SLC25A30: variants seen among roughly 807,000 people sequenced by gnomAD.
SLC25A30 encodes kidney mitochondrial carrier protein 1.
SLC25A30 carries 29 observed loss-of-function variants against 42.7 expected under a neutral mutation model. That is an observed-to-expected ratio of 0.68 (90% CI 0.51 to 0.93). The LOEUF is 0.93. Among genes scored for constraint, SLC25A30 ranks in the 40% least tolerant of loss-of-function variants. The pLI is 0.00. For synonymous variants in SLC25A30, 124 were observed against 131.0 expected, an observed-to-expected ratio of 0.95 and a Z score of 0.37; for missense variants, 300 against 359.7, an observed-to-expected ratio of 0.83 and a Z score of 1.34.
chr13:45,424,368 TATATAA>T, the SLC25A30 span, among the ~76,000 whole-genome samples: 5 of 71,538 alleles, frequency 7.0e-5, no homozygotes, highest in African/African-American at 2.9e-4. Context: ...CATGAAAATA[TATATAA>T]ATATATAGAT....
chr13:45,394,456 C>T lies in SLC25A30; in HGVS notation c.*1518G>A. On this transcript the variant is annotated 3_prime_UTR_variant, in exon 10 of 10. Coordinates refer to ENST00000519676, the MANE Select transcript of SLC25A30 (RefSeq NM_001010875.4). ...ACTGGCCAGACTGGGAATTTGGCCG[C>T]ACTACTGTGGAAGGAGAATGCCCTG... 1.2e-5 allele frequency: 12 copies of T among 985,354 alleles called. No homozygotes were observed. The highest frequency in any genetic ancestry group is 1.4e-5 in the Non-Finnish European group (12 of 829,942). The allele number at this position is 985,354 out of a possible 1,614,324, so 61.0% of individuals were successfully genotyped here. A position where few individuals can be genotyped will look rare whatever the true frequency, so the allele number is the denominator to read the frequency against.
Position 45,395,232 on chromosome 13 carries a change from A to G in SLC25A30, c.*742T>C, listed in dbSNP as rs941819449. The stretch of plus-strand genomic sequence containing the variant: ...AAAAATCATAAAGCTAATTACTAAC[A>G]TGACCTAAGACAGAACCTAAGCTGC... On this transcript the variant is annotated 3_prime_UTR_variant, in exon 10 of 10. Coordinates refer to ENST00000519676, the MANE Select transcript of SLC25A30 (RefSeq NM_001010875.4). 2.9e-5 allele frequency: 29 copies of G among 985,250 alleles called. No individual in the cohort carries two copies. In the African/African-American group the frequency reaches 4.2e-4, roughly 14 times the overall value. The allele number at this position is 985,250 out of a possible 1,614,324, so 61.0% of individuals were successfully genotyped here. A position where few individuals can be genotyped will look rare whatever the true frequency, so the allele number is the denominator to read the frequency against.
chr13:45,421,700 G>A (rs114093923), upstream of SLC25A30, among the ~76,000 whole-genome samples: 1,446 of 152,232 alleles, frequency 9.5e-3, 27 homozygotes, highest in African/African-American at 0.032. Flanking sequence ...ATGAGGCGAC[G>A]TGTGCAAAAA....
intron 1 of SLC25A30, among the ~76,000 whole-genome samples, chr13:45,412,126 TG>T (rs1044129646): frequency 6.2e-5 from 9 of 145,012 alleles, no homozygotes; most frequent in African/African-American, 1.9e-4. Context: ...CTTCTTTTTT[TG>T]TTTTTTTTTT....
At chr13:45,424,106 AATAT>A in the SLC25A30 span, among the ~76,000 whole-genome samples, 1 of 43,858 alleles carries the variant, frequency 2.3e-5, no homozygotes, top group Non-Finnish European at 4.5e-5. Context: ...AATATATAAA[AATAT>A]ATATAAATAT....
chr13:45,415,762 A>AG (rs1566215374), intron 1 of SLC25A30, among the ~76,000 whole-genome samples: 1 of 150,560 alleles, frequency 6.6e-6, no homozygotes, highest in Non-Finnish European at 1.5e-5. Flanking sequence ...AAAAAAAAAA[A>AG]AAAGAAAGAA....
At chr13:45,409,372 T>C (rs1882804671) in intron 2 of SLC25A30, among the ~76,000 whole-genome samples, 1 of 152,246 alleles carries the variant, frequency 6.6e-6, no homozygotes, top group Non-Finnish European at 1.5e-5. Flanking sequence ...TGGTATGATT[T>C]ACCTAAACAG....
At chr13:45,423,814 A>ATAT in the SLC25A30 span, among the ~76,000 whole-genome samples, 1 of 56,000 alleles carries the variant, frequency 1.8e-5, no homozygotes, top group Admixed American at 3.2e-4. Context: ...ATATATATAA[A>ATAT]AATATAAATA....
chr13:45,408,912 T>C lies in SLC25A30; in HGVS notation c.212+15A>G, dbSNP rs769280434. On this transcript the variant is annotated intron_variant, in intron 3 of 9. Coordinates refer to ENST00000519676, the MANE Select transcript of SLC25A30 (RefSeq NM_001010875.4). ...CAGTGAACAGTGACACAGAAATGCATGAAGGCCTACTCACCCCGAGTAGAG... is the reference window on the plus strand; with the variant it reads ...CAGTGAACAGTGACACAGAAATGCACGAAGGCCTACTCACCCCGAGTAGAG... The C allele has an allele frequency of 1.9e-6, 3 of 1,592,864 alleles. No individual in the cohort carries two copies. The highest frequency in any genetic ancestry group is 2.3e-5 in the East Asian group (1 of 44,308).
At chr13:45,423,929 A>T in the SLC25A30 span, among the ~76,000 whole-genome samples, 2 of 86,416 alleles carry the variant, frequency 2.3e-5, no homozygotes, top group South Asian at 7.9e-4. Flanking sequence ...ATATATAAAC[A>T]TATATAAATA....
the SLC25A30 span, among the ~76,000 whole-genome samples, chr13:45,433,426 G>A: frequency 4.6e-5 from 7 of 152,244 alleles, no homozygotes; most frequent in South Asian, 6.2e-4. Flanking sequence ...AAACTCCCTC[G>A]AACATTCAAG....
At chr13:45,397,682 C>T (rs376456625) in intron 8 of SLC25A30, 46 of 175,352 alleles carry the variant, frequency 2.6e-4, no homozygotes, top group African/African-American at 1.0e-3. Context: ...GGCGACAAAG[C>T]GAGACTCCAT....
At chr13:45,399,550 T>C (rs1881716359) in intron 7 of SLC25A30, among the ~76,000 whole-genome samples, 1 of 152,072 alleles carries the variant, frequency 6.6e-6, no homozygotes, top group Non-Finnish European at 1.5e-5. Flanking sequence ...ATGAAACATG[T>C]CAAGAAGAGC....
At chr13:45,424,881 TAA>T in the SLC25A30 span, among the ~76,000 whole-genome samples, 1 of 43,098 alleles carries the variant, frequency 2.3e-5, no homozygotes, top group Non-Finnish European at 4.6e-5. Flanking sequence ...TATAAATATA[TAA>T]ATATATATTT....
Position 45,402,248 on chromosome 13 carries a change from TC to T in SLC25A30, c.489+26del, listed in dbSNP as rs756012632. On this transcript the variant is annotated intron_variant, in intron 6 of 9. Transcript: ENST00000519676. ...AAAAAGGAAAAAAGAACTAAATAAA[TC>T]AGTTCGATCCATCCTTCTGGCTTAC... The T allele has an allele frequency of 1.2e-5, 19 of 1,536,624 alleles. No homozygotes were observed. In the South Asian group the frequency reaches 2.2e-4, roughly 17 times the overall value.
chr13:45,410,598 A>G (rs1421987360), intron 2 of SLC25A30, among the ~76,000 whole-genome samples: 1 of 151,948 alleles, frequency 6.6e-6, no homozygotes. Flanking sequence ...GGATCTCTTG[A>G]GCTTGGGAGT....
At chr13:45,406,837 ACTT>A (rs1257200439) in intron 3 of SLC25A30, among the ~76,000 whole-genome samples, 2 of 152,020 alleles carry the variant, frequency 1.3e-5, no homozygotes, top group East Asian at 1.9e-4. Flanking sequence ...ACCCCCTCTG[ACTT>A]CTTTTCTTTT....
chr13:45,413,193 C>G (rs969845306), intron 1 of SLC25A30, among the ~76,000 whole-genome samples: 1 of 152,080 alleles, frequency 6.6e-6, no homozygotes, highest in Non-Finnish European at 1.5e-5. Context: ...ACATGAAAAC[C>G]ACTGTATGTT....
chr13:45,418,257 G>A (rs1883717397), intron 1 of SLC25A30, 43 bp downstream of exon 1: 1 of 152,528 alleles, frequency 6.6e-6, no homozygotes. Flanking sequence ...AGGAGCCGCA[G>A]AGAAAGCGGG....
Sources: gnomAD v4.1 joint callset for allele counts (sites outside exome capture counted in the v4.1 genomes callset) on GRCh38, gnomAD v4.1.1 for gene constraint, MANE v1.5 for transcripts, NCBI Gene and HGNC (gene_info 2026-07-23, HGNC 2026-07-21) for gene names.